Variants in TYW1 observed in about 807,000 individuals in gnomAD.
The protein encoded by TYW1 is S-adenosyl-L-methionine-dependent tRNA 4-demethylwyosine synthase TYW1.
In TYW1, 46 loss-of-function variants were observed where a neutral mutation model predicts 96.2. That is an observed-to-expected ratio of 0.48 (90% CI 0.38 to 0.61). The LOEUF is 0.61. TYW1 is among the 20% of genes least tolerant of loss of function. The pLI, the probability that TYW1 is intolerant of heterozygous loss-of-function variation, is 0.00. For synonymous variants in TYW1, 274 were observed against 323.0 expected, an observed-to-expected ratio of 0.85 and a Z score of 1.63; for missense variants, 684 against 909.6, an observed-to-expected ratio of 0.75 and a Z score of 3.19.
intron 13 of TYW1, among the ~76,000 whole-genome samples, chr7:67,126,663 G>A (rs1388772054): frequency 6.6e-6 from 1 of 152,096 alleles, no homozygotes; most frequent in African/African-American, 2.4e-5. Context: ...TGTTCGTCTA[G>A]ATTCTTTTTT....
chr7:67,043,437 C>CA (rs927926140), intron 7 of TYW1, among the ~76,000 whole-genome samples: 16 of 148,828 alleles, frequency 1.1e-4, no homozygotes, highest in African/African-American at 4.0e-4. Flanking sequence ...AGCAGACAAA[C>CA]ACTAACATCA....
rs1324574115 is a variant in TYW1 at position 67,179,239 on chromosome 7, T to C, written c.1699-3887T>C. On this transcript the variant is annotated intron_variant, in intron 13 of 15. Coordinates refer to ENST00000359626, the MANE Select transcript of TYW1 (RefSeq NM_018264.4). ...GAAAGGGGCAGTAACTTCTGGGTTG[T>C]TGCATGGCATTTGTAAACTGTCATG... Among the ~76,000 whole-genome samples, 2 of 135,758 alleles carry C rather than the reference T, an allele frequency of 1.5e-5. 1 individual carries two copies. Among genetic ancestry groups the C allele is most frequent in the Non-Finnish European group, 3.2e-5 (2 of 63,326 alleles). The allele number at this position is 135,758 out of a possible 152,430, so 89.1% of individuals were successfully genotyped here. A position where few individuals can be genotyped will look rare whatever the true frequency, so the allele number is the denominator to read the frequency against.
intron 13 of TYW1, among the ~76,000 whole-genome samples, chr7:67,173,212 C>T (rs949115335): frequency 9.2e-5 from 14 of 151,878 alleles, no homozygotes; most frequent in Non-Finnish European, 1.9e-4. Context: ...AATATCTAAA[C>T]AAGATTCTCA....
At chr7:67,055,657 T>C (rs948602662) in intron 8 of TYW1, among the ~76,000 whole-genome samples, 178 bp from the exon 9 acceptor site, 1 of 151,770 alleles carries the variant, frequency 6.6e-6, no homozygotes, top group Non-Finnish European at 1.5e-5. Flanking sequence ...TAGATACATA[T>C]AGATTTTAAA....
intron 12 of TYW1, among the ~76,000 whole-genome samples, chr7:67,102,801 A>G (rs1013916786): frequency 2.3e-4 from 35 of 151,950 alleles, no homozygotes; most frequent in Admixed American, 7.2e-4. Flanking sequence ...ACAGGCACCC[A>G]CCACCACACC....
At chr7:67,228,398 A>C (rs927069806) in intron 15 of TYW1, among the ~76,000 whole-genome samples, 5 of 152,180 alleles carry the variant, frequency 3.3e-5, no homozygotes, top group African/African-American at 1.2e-4. Flanking sequence ...AGCACAGGAA[A>C]GGCCCTCCTC....
intron 8 of TYW1, among the ~76,000 whole-genome samples, chr7:67,052,024 T>G (rs1795376626): frequency 6.6e-6 from 1 of 152,192 alleles, no homozygotes; most frequent in East Asian, 1.9e-4. Context: ...GTCATCCTTT[T>G]GTTTGTTCCT....
intron 3 of TYW1, among the ~76,000 whole-genome samples, chr7:67,006,689 C>G (rs1793605128): frequency 6.6e-6 from 1 of 152,100 alleles, no homozygotes; most frequent in African/African-American, 2.4e-5. Context: ...ATCCGCCCGC[C>G]TTGACCTCCC....
intron 8 of TYW1, among the ~76,000 whole-genome samples, chr7:67,055,052 A>G (rs914283448): frequency 6.6e-6 from 1 of 152,172 alleles, no homozygotes; most frequent in African/African-American, 2.4e-5. Context: ...TACTGATGAT[A>G]GCTCCCCGTT....
At chr7:67,167,620 A>G (rs538136774) in intron 13 of TYW1, among the ~76,000 whole-genome samples, 7 of 151,734 alleles carry the variant, frequency 4.6e-5, no homozygotes, top group African/African-American at 1.5e-4. Flanking sequence ...TCCCACTGCA[A>G]TGGGTATCAT....
chr7:67,135,211 A>G (rs1798207541), intron 13 of TYW1, among the ~76,000 whole-genome samples: 1 of 136,492 alleles, frequency 7.3e-6, no homozygotes, highest in South Asian at 2.3e-4. Flanking sequence ...GATTTTTAGT[A>G]TATTCACAAG....
chr7:67,079,612 TTA>T (rs1156416130), intron 10 of TYW1, among the ~76,000 whole-genome samples: 1 of 145,024 alleles, frequency 6.9e-6, no homozygotes, highest in African/African-American at 2.7e-5. Flanking sequence ...GCTCTGATTA[TTA>T]TTTTTTTCTG....
At chr7:67,016,768 C>T (rs541315430) in intron 5 of TYW1, among the ~76,000 whole-genome samples, 3 of 152,036 alleles carry the variant, frequency 2.0e-5, no homozygotes, top group East Asian at 1.9e-4. Context: ...GCTGGGACCA[C>T]AGGCGCCCAC....
intron 13 of TYW1, among the ~76,000 whole-genome samples, chr7:67,160,595 A>T (rs60613586): frequency 0.25 from 34,108 of 138,508 alleles, 4,699 homozygotes; most frequent in African/African-American, 0.33. Flanking sequence ...TATTTTTAAA[A>T]TTTTTCACTT....
intron 8 of TYW1, among the ~76,000 whole-genome samples, chr7:67,053,179 G>T (rs1795415299): frequency 6.6e-6 from 1 of 150,432 alleles, no homozygotes; most frequent in African/African-American, 2.4e-5. Flanking sequence ...TGAGACAAGA[G>T]CTGGCTCAAT....
intron 8 of TYW1, among the ~76,000 whole-genome samples, chr7:67,051,508 A>T (rs1298269620): frequency 6.6e-6 from 1 of 151,910 alleles, no homozygotes; most frequent in Non-Finnish European, 1.5e-5. Context: ...CTTTATTATT[A>T]TTTTTTTCTT....
intron 13 of TYW1, among the ~76,000 whole-genome samples, chr7:67,139,495 G>C (rs115529389): frequency 0.043 from 6,587 of 151,912 alleles, 300 homozygotes; most frequent in African/African-American, 0.12. Context: ...GCTGTTGTCT[G>C]TCAGTATCTG....
intron 10 of TYW1, among the ~76,000 whole-genome samples, chr7:67,072,656 A>G (rs1029242220): frequency 2.0e-5 from 3 of 152,196 alleles, no homozygotes; most frequent in Non-Finnish European, 4.4e-5. Flanking sequence ...ATGGATAATC[A>G]TATTCCATTT....
chr7:67,008,532 G>A (rs575892403), intron 3 of TYW1, among the ~76,000 whole-genome samples: 1 of 152,294 alleles, frequency 6.6e-6, no homozygotes, highest in African/African-American at 2.4e-5. Flanking sequence ...TTTTGTTGTA[G>A]TGGCTGCTCC....
Sources: gnomAD v4.1 joint callset for allele counts (sites outside exome capture counted in the v4.1 genomes callset) on GRCh38, gnomAD v4.1.1 for gene constraint, MANE v1.5 for transcripts, NCBI Gene and HGNC (gene_info 2026-07-23, HGNC 2026-07-21) for gene names.